The following PTPRD variants were observed in gnomAD, a reference collection of about 807,000 sequenced individuals.
PTPRD encodes the protein receptor-type tyrosine-protein phosphatase delta.
A neutral mutation model predicts 214.5 loss-of-function variants in PTPRD; 34 were observed. The observed-to-expected ratio is 0.16, with a 90% confidence interval of 0.12 to 0.21. PTPRD has a LOEUF of 0.21. Among genes scored for constraint, PTPRD ranks in the 10% least tolerant of loss-of-function variants. The pLI is 1.00. For synonymous variants in PTPRD, 1,128 were observed against 845.7 expected (o/e 1.33, Z -5.79); for missense variants, 2,545 against 2,398.7 (o/e 1.06, Z -1.27).
intron 34 of PTPRD, among the ~76,000 whole-genome samples, chr9:8,442,084 G>A (rs1378669888): frequency 1.3e-5 from 2 of 152,002 alleles, no homozygotes; most frequent in Non-Finnish European, 2.9e-5. Context: ...GAGGAAAAGG[G>A]GATGCAAAAA....
chr9:10,026,920 C>A (rs746601018), intron 4 of PTPRD, among the ~76,000 whole-genome samples: 19 of 150,786 alleles, frequency 1.3e-4, no homozygotes, highest in Non-Finnish European at 8.8e-5. Flanking sequence ...CACCACTAAA[C>A]CTGCAGTGCT....
chr9:9,447,518 T>C (rs902560392), intron 8 of PTPRD, among the ~76,000 whole-genome samples: 3 of 151,460 alleles, frequency 2.0e-5, no homozygotes, highest in Non-Finnish European at 2.9e-5. Flanking sequence ...TATTGGAGGG[T>C]AGGAAGTAAG....
chr9:9,124,873 C>G (rs2099825428), intron 10 of PTPRD, among the ~76,000 whole-genome samples: 1 of 152,138 alleles, frequency 6.6e-6, no homozygotes, highest in Non-Finnish European at 1.5e-5. Flanking sequence ...AAGTTGCCAA[C>G]CACTGGACAT....
At chr9:8,528,396 A>C in intron 15 of PTPRD, 195 bp downstream of exon 15, 2 of 641,944 alleles carry the variant, frequency 3.1e-6, no homozygotes, top group Non-Finnish European at 5.5e-6. Flanking sequence ...ACACACAGAG[A>C]AAAGGAGAAA....
At chr9:8,929,856 TGTGTATATAC>T in intron 11 of PTPRD, among the ~76,000 whole-genome samples, 2 of 78,762 alleles carry the variant, frequency 2.5e-5, no homozygotes, top group South Asian at 1.1e-3. Flanking sequence ...TGTATATATA[TGTGTATATAC>T]ATGTGTGTGT....
intron 3 of PTPRD, among the ~76,000 whole-genome samples, chr9:10,103,153 G>A (rs1440226417): frequency 6.6e-6 from 1 of 151,362 alleles, no homozygotes; most frequent in Non-Finnish European, 1.5e-5. Context: ...CAAGGAGCAC[G>A]CATCTTGGAA....
chr9:8,362,419 G>A (rs1235868470), intron 39 of PTPRD, among the ~76,000 whole-genome samples: 1 of 152,130 alleles, frequency 6.6e-6, no homozygotes, highest in African/African-American at 2.4e-5. Flanking sequence ...CACGAAAGAG[G>A]GATGAAATAT....
At chr9:9,332,408 G>T (rs2042668569) in intron 9 of PTPRD, among the ~76,000 whole-genome samples, 1 of 151,676 alleles carries the variant, frequency 6.6e-6, no homozygotes, top group Non-Finnish European at 1.5e-5. Context: ...TTGTCTAGTT[G>T]CTATCAATAA....
chr9:8,378,472 T>C (rs1020210873), intron 37 of PTPRD, among the ~76,000 whole-genome samples: 1 of 151,976 alleles, frequency 6.6e-6, no homozygotes, highest in African/African-American at 2.4e-5. Context: ...TTTTAAACCA[T>C]GAAATAGATG....
chr9:9,543,222 T>G (rs1270395911), intron 8 of PTPRD, among the ~76,000 whole-genome samples: 1 of 151,814 alleles, frequency 6.6e-6, no homozygotes, highest in Admixed American at 6.6e-5. Flanking sequence ...ATTTTAAGAT[T>G]CCATTTACAT....
At chr9:9,278,917 G>A (rs866973057) in intron 9 of PTPRD, among the ~76,000 whole-genome samples, 1 of 151,220 alleles carries the variant, frequency 6.6e-6, no homozygotes, top group Non-Finnish European at 1.5e-5. Flanking sequence ...TAATCTGCCA[G>A]GTCAGATATG....
chr9:9,617,247 G>A (rs2094928131), intron 7 of PTPRD, among the ~76,000 whole-genome samples: 2 of 152,126 alleles, frequency 1.3e-5, no homozygotes, highest in Non-Finnish European at 2.9e-5. Context: ...GAGTGGAAAG[G>A]AGAATTAGAC....
chr9:10,145,460 G>A (rs291288), intron 3 of PTPRD, among the ~76,000 whole-genome samples: 114,158 of 152,030 alleles, frequency 0.75, 42,958 homozygotes, highest in South Asian at 0.87. Context: ...AATTGTAAAC[G>A]TATTTTCTCT....
chr9:10,092,059 G>A (rs1371100285), intron 3 of PTPRD, among the ~76,000 whole-genome samples: 8 of 151,268 alleles, frequency 5.3e-5, no homozygotes, highest in Non-Finnish European at 1.2e-4. Flanking sequence ...AGGAAGTAAT[G>A]ATTAAAGGAA....
At chr9:8,414,930 GGAGAGAGAGA>G (rs58529453) in intron 35 of PTPRD, among the ~76,000 whole-genome samples, 1,650 of 49,192 alleles carry the variant, frequency 0.034, 29 homozygotes, top group African/African-American at 0.069. Flanking sequence ...AGAGGGAGGG[GGAGAGAGAGA>G]GAGAGAGAGA....
At chr9:9,326,579 TGAAAA>T (rs1328849172) in intron 9 of PTPRD, among the ~76,000 whole-genome samples, 1 of 149,392 alleles carries the variant, frequency 6.7e-6, no homozygotes, top group African/African-American at 2.5e-5. Flanking sequence ...AAAAGAAAAA[TGAAAA>T]GAATATAAAT....
chr9:9,563,305 C>T (rs1227037149), intron 8 of PTPRD, among the ~76,000 whole-genome samples: 1 of 152,074 alleles, frequency 6.6e-6, no homozygotes, highest in Non-Finnish European at 1.5e-5. Flanking sequence ...TTGGGAACTA[C>T]CTTATGGATA....
At chr9:9,106,747 A>T (rs1348910694) in intron 10 of PTPRD, among the ~76,000 whole-genome samples, 2 of 152,250 alleles carry the variant, frequency 1.3e-5, no homozygotes, top group Middle Eastern at 3.4e-3. Flanking sequence ...CATTTAAAAA[A>T]TTTCAATACA....
At chr9:10,113,142 T>C (rs1202693541) in intron 3 of PTPRD, among the ~76,000 whole-genome samples, 3 of 152,200 alleles carry the variant, frequency 2.0e-5, no homozygotes, top group Admixed American at 1.3e-4. Context: ...GATGCAAGTA[T>C]AAAAATCATG....
Sources: gnomAD v4.1 joint callset for allele counts (sites outside exome capture counted in the v4.1 genomes callset) on GRCh38, gnomAD v4.1.1 for gene constraint, MANE v1.5 for transcripts, NCBI Gene and HGNC (gene_info 2026-07-23, HGNC 2026-07-21) for gene names.